The following INPP5F variants were observed in gnomAD, a reference collection of about 807,000 sequenced individuals.
INPP5F encodes the protein phosphatidylinositide 4-phosphatase SAC2.
INPP5F carries 97 observed loss-of-function variants against 137.2 expected under a neutral mutation model. The observed-to-expected ratio is 0.71, with a 90% CI of 0.60 to 0.84. The LOEUF is 0.84. INPP5F is among the 40% of genes least tolerant of loss of function. The probability of loss-of-function intolerance (pLI) is 0.00; values close to 1 mark genes in which losing one functional copy is unlikely to be tolerated. For synonymous variants in INPP5F, 504 were observed against 476.9 expected, an observed-to-expected ratio of 1.06 and a Z score of -0.74; for missense variants, 1,271 against 1,371.9, an observed-to-expected ratio of 0.93 and a Z score of 1.16.
At position 119,790,680 on chromosome 10, in the gene INPP5F, T is replaced by C. The variant is rs1850109405; in HGVS notation, c.316-837T>C. Among the ~76,000 whole-genome samples, 3 of 152,362 alleles carry C rather than the reference T, an allele frequency of 2.0e-5. No individual in the cohort carries two copies. In the South Asian group the frequency reaches 6.2e-4, roughly 32 times the overall value. On this transcript the variant is annotated intron_variant, in intron 3 of 19. Transcript: ENST00000650623. ...TTCTTATTAAGAGTCTCCTACTTAG[T>C]GTAGCAATGCAACTAGTTTGTTGAA...
At chr10:119,818,706 C>T (rs767129510) in intron 15 of INPP5F, 4 of 152,324 alleles carry the variant, frequency 2.6e-5, no homozygotes, top group African/African-American at 9.6e-5. Flanking sequence ...ACTGCCGCGT[C>T]GCAGTTGCCG....
intron 2 of INPP5F, among the ~76,000 whole-genome samples, chr10:119,766,314 A>G (rs575817545): frequency 6.6e-6 from 1 of 152,334 alleles, no homozygotes; most frequent in East Asian, 1.9e-4. Context: ...ATAATGTTTT[A>G]CTAGCAATCT....
In INPP5F at chr10:119,827,273, G is replaced by A; in HGVS notation, c.2892G>A (p.Val964=). The A allele has an allele frequency of 1.2e-6, 2 of 1,614,144 alleles. No homozygotes were observed. Among genetic ancestry groups the A allele is most frequent in the Non-Finnish European group, 1.7e-6 (2 of 1,180,038 alleles). Residue 964 remains valine, a synonymous_variant, in exon 20 of 20, where the codon GTG becomes GTA. Coordinates refer to ENST00000650623, the MANE Select transcript of INPP5F (RefSeq NM_014937.4). ...TGGATATTTACTGCCACAGATTTGT[G>A]CAAGATGCACAGAACAAAGTGACCC... is the stretch of plus-strand genomic sequence containing the variant. The part of the protein sequence containing the change: ...KPMDIYCHRF[V]QDAQNKVTHL...
intron 2 of INPP5F, among the ~76,000 whole-genome samples, chr10:119,777,507 A>C (rs1000528579): frequency 6.6e-6 from 1 of 152,222 alleles, no homozygotes; most frequent in East Asian, 1.9e-4. Context: ...GCCTGGCAAC[A>C]GCACGAGACT....
intron 15 of INPP5F, among the ~76,000 whole-genome samples, chr10:119,813,964 T>C (rs1458814916): frequency 6.6e-6 from 1 of 152,218 alleles, no homozygotes; most frequent in African/African-American, 2.4e-5. Context: ...TTCTCTTTTT[T>C]TTTCCTGATT....
chr10:119,803,356 C>T (rs533456364), intron 9 of INPP5F, among the ~76,000 whole-genome samples: 44 of 152,072 alleles, frequency 2.9e-4, no homozygotes, highest in African/African-American at 1.1e-3. Context: ...TTCTCCTTAC[C>T]CCACACATAG....
At chr10:119,740,785 C>T (rs1452797569) in intron 1 of INPP5F, among the ~76,000 whole-genome samples, 2 of 152,194 alleles carry the variant, frequency 1.3e-5, no homozygotes, top group African/African-American at 4.8e-5. Flanking sequence ...TCATCATCCT[C>T]CTGCCTCGGC....
intron 16 of INPP5F, among the ~76,000 whole-genome samples, chr10:119,821,340 G>GTGTC (rs1851552519): frequency 8.5e-6 from 1 of 117,946 alleles, no homozygotes; most frequent in South Asian, 3.0e-4. Context: ...GCAATAACGT[G>GTGTC]TGTGTGTGTG....
intron 2 of INPP5F, among the ~76,000 whole-genome samples, chr10:119,767,853 TG>T (rs1849221934): frequency 6.6e-6 from 1 of 152,250 alleles, no homozygotes; most frequent in Admixed American, 6.5e-5. Context: ...GTTTGAAATT[TG>T]TATGCATCTA....
chr10:119,726,391 C>G, intron 1 of INPP5F, 32 bp downstream of exon 1: 1 of 1,207,598 alleles, frequency 8.3e-7, no homozygotes, highest in Non-Finnish European at 1.0e-6. Context: ...GGGGGCACCC[C>G]GGGCCAGGGC....
chr10:119,747,525 TA>T (rs371190024), intron 1 of INPP5F, among the ~76,000 whole-genome samples: 14 of 152,102 alleles, frequency 9.2e-5, no homozygotes, highest in African/African-American at 2.9e-4. Context: ...GGCCTTGCTT[TA>T]AAAAAAAATT....
At position 119,823,182 on chromosome 10, in the gene INPP5F, C is replaced by T; in HGVS notation, c.2144C>T (p.Pro715Leu). The change falls in exon 18 of 20, where the codon CCT (proline) becomes CTT (leucine). Residue 715 changes from proline to leucine, a missense_variant. Pro to Leu is a moderately conservative substitution (Grantham distance 98). Coordinates refer to ENST00000650623, the MANE Select transcript of INPP5F (RefSeq NM_014937.4). ...FHTLRAVMRNPEEDGKDTLQC... is the reference protein window; with the variant it reads ...FHTLRAVMRNLEEDGKDTLQC... ...ACATTGCGAGCTGTAATGCGTAATC[C>T]TGAAGAGGATGGAAAAGGTAAAAAG... 1.2e-6 allele frequency: 2 copies of T among 1,613,812 alleles called. No homozygotes were observed. Among genetic ancestry groups the T allele is most frequent in the Non-Finnish European group, 1.7e-6 (2 of 1,179,906 alleles).
chr10:119,819,613 G>C, intron 15 of INPP5F: 1 of 1,232,576 alleles, frequency 8.1e-7, no homozygotes, highest in Non-Finnish European at 1.1e-6. Context: ...TGTCTGGATC[G>C]GTCTCCTTTT....
At chr10:119,817,056 G>A (rs191336862) in intron 15 of INPP5F, among the ~76,000 whole-genome samples, 34 of 152,230 alleles carry the variant, frequency 2.2e-4, no homozygotes, top group South Asian at 1.5e-3. Context: ...CTGCATTTGC[G>A]TATTCTAGAC....
At chr10:119,736,700 A>T (rs1373652796) in intron 1 of INPP5F, among the ~76,000 whole-genome samples, 2 of 152,202 alleles carry the variant, frequency 1.3e-5, no homozygotes, top group Admixed American at 1.3e-4. Flanking sequence ...TGCTTCATAT[A>T]GAGAATCAAC....
chr10:119,755,605 GTCAAAAAGAATTCCT>G, intron 2 of INPP5F, among the ~76,000 whole-genome samples: 1 of 152,276 alleles, frequency 6.6e-6, no homozygotes, highest in African/African-American at 2.4e-5. Flanking sequence ...ACAAAAGCAT[GTCAAAAAGAATTCCT>G]TCTAGTCTGG....
intron 13 of INPP5F, 66 bp downstream of exon 13, chr10:119,808,126 C>A (rs2134249361): frequency 1.3e-6 from 2 of 1,531,298 alleles, no homozygotes; most frequent in Non-Finnish European, 1.8e-6. Flanking sequence ...TGGTTTAAAA[C>A]CACAGAAATG....
chr10:119,814,354 C>A (rs1170018191), intron 15 of INPP5F: 1 of 151,856 alleles, frequency 6.6e-6, no homozygotes, highest in African/African-American at 2.4e-5. Flanking sequence ...ACCATTGCAC[C>A]CCAACCTAGG....
At chr10:119,800,443 C>T (rs1009875647) in intron 9 of INPP5F, among the ~76,000 whole-genome samples, 8 of 150,832 alleles carry the variant, frequency 5.3e-5, no homozygotes, top group African/African-American at 1.9e-4. Context: ...GCCTGTAATC[C>T]TAGCTTCTCG....
Sources: allele counts gnomAD v4.1 joint callset (sites outside exome capture counted in the v4.1 genomes callset), GRCh38; gene constraint gnomAD v4.1.1; transcripts MANE v1.5; gene names NCBI Gene and HGNC (gene_info 2026-07-23, HGNC 2026-07-21).